The following PLN variants were observed in gnomAD, a reference collection of about 807,000 sequenced individuals.
The protein encoded by PLN is phospholamban.
Under a neutral mutation model 3.9 loss-of-function variants are expected in PLN, and 1 was observed. That is an observed-to-expected ratio of 0.26 (90% confidence interval 0.09 to 1.23). The LOEUF (loss-of-function observed/expected upper bound fraction) is 1.23. PLN is among the 50% of genes most tolerant of loss of function. PLN has a pLI of 0.48. For missense variants in PLN, 59 were observed against 62.7 expected, an observed-to-expected ratio of 0.94 and a Z score of 0.20; for synonymous variants, 21 against 20.5, an observed-to-expected ratio of 1.02 and a Z score of -0.07.
At position 118,559,157 on chromosome 6, in the gene PLN, A is replaced by G. The variant is rs1225399403; in HGVS notation, c.*77A>G. 2.8e-6 allele frequency: 3 copies of G among 1,077,758 alleles called. No homozygotes were observed. Among genetic ancestry groups the G allele is most frequent in the East Asian group, 2.4e-5 (1 of 42,388 alleles). The allele number at this position is 1,077,758 out of a possible 1,614,324, so 66.8% of individuals were successfully genotyped here. ...GTCATCCCATGCAGACAGGAAAACAATATTGTATAACAGACCACTTCCTGA... is the reference window on the plus strand; with the variant it reads ...GTCATCCCATGCAGACAGGAAAACAGTATTGTATAACAGACCACTTCCTGA... On this transcript the variant is annotated 3_prime_UTR_variant, in exon 2 of 2. Transcript: ENST00000357525.
At position 118,559,070 on chromosome 6, in the gene PLN, T is replaced by C. The variant is rs1779076744; in HGVS notation, c.149T>C (p.Met50Thr). ...ICLLLICIIV[M>T]LL ...CTCTTGCTGATCTGTATCATCGTGA[T>C]GCTTCTCTGAAGTTCTGCTACAACC... The change falls in exon 2 of 2, where the codon ATG (methionine) becomes ACG (threonine). Residue 50 changes from methionine to threonine, a missense_variant. Met to Thr is a moderately conservative substitution (Grantham distance 81). Transcript: ENST00000357525. 1 of 1,611,736 alleles carries C rather than the reference T, an allele frequency of 6.2e-7. No homozygotes were observed. The highest frequency in any genetic ancestry group is 8.5e-7 in the Non-Finnish European group (1 of 1,177,798).
chr6:118,559,165 TAACAG>T lies in PLN; in HGVS notation c.*87_*91del. 1 of 972,222 alleles carries T rather than the reference TAACAG, an allele frequency of 1.0e-6. No individual in the cohort carries two copies. Among genetic ancestry groups the T allele is most frequent in the Non-Finnish European group, 1.7e-6 (1 of 594,036 alleles). The allele number at this position is 972,222 out of a possible 1,614,324, so 60.2% of individuals were successfully genotyped here. ...ATGCAGACAGGAAAACAATATTGTA[TAACAG>T]ACCACTTCCTGAGTAGAAGAGTTTC... On this transcript the variant is annotated 3_prime_UTR_variant, in exon 2 of 2. Transcript: ENST00000357525.
Position 118,560,661 on chromosome 6 carries a change from G to A in PLN, c.*1581G>A, listed in dbSNP as rs1219122563. ...CCAAATGGTAAGCATCTATTTTGCA[G>A]TCCACTCTACTGAGCTAAATTATAG... On this transcript the variant is annotated 3_prime_UTR_variant, in exon 2 of 2. Transcript: ENST00000357525. 6.0e-6 allele frequency: 1 copy of A among 166,706 alleles called. No individual in the cohort carries two copies. Among genetic ancestry groups the A allele is most frequent in the Non-Finnish European group, 1.5e-5 (1 of 68,096 alleles). 10.3% of individuals were successfully genotyped at this position (166,706 alleles called of 1,614,324 possible).
At chr6:118,549,156 A>C (rs914002726) in intron 1 of PLN, among the ~76,000 whole-genome samples, 17 of 151,988 alleles carry the variant, frequency 1.1e-4, no homozygotes, top group Non-Finnish European at 7.4e-5. Context: ...TTATTTTGAC[A>C]CACGAATATT....
rs1385468785 is a variant in PLN, at chr6:118,560,134, A to G, written c.*1054A>G. 1 of 167,050 alleles carries G rather than the reference A, an allele frequency of 6.0e-6. No individual in the cohort carries two copies. The highest frequency in any genetic ancestry group is 3.1e-3 in the Middle Eastern group (1 of 318). 10.3% of individuals were successfully genotyped at this position (167,050 alleles called of 1,614,324 possible). A position where few individuals can be genotyped will look rare whatever the true frequency, so the allele number is the denominator to read the frequency against. ...CCAAATATTAACTAATTATTAGATT[A>G]TATTTTGAAATGAACTTGTTGGCCC... On this transcript the variant is annotated 3_prime_UTR_variant, in exon 2 of 2. Transcript: ENST00000357525.
intron 1 of PLN, among the ~76,000 whole-genome samples, chr6:118,556,668 T>A (rs531276936): frequency 6.6e-6 from 1 of 152,226 alleles, no homozygotes; most frequent in South Asian, 2.1e-4. Flanking sequence ...GAAAATAAAA[T>A]CTGACACCTG....
At chr6:118,548,522 T>G (rs1251343649) in intron 1 of PLN, 130 bp downstream of exon 1, 2 of 152,066 alleles carry the variant, frequency 1.3e-5, no homozygotes, top group Non-Finnish European at 2.9e-5. Flanking sequence ...GGCAATAAAA[T>G]GACATGACAA....
chr6:118,548,624 G>A (rs1364590429), intron 1 of PLN, among the ~76,000 whole-genome samples: 1 of 151,932 alleles, frequency 6.6e-6, no homozygotes, highest in Non-Finnish European at 1.5e-5. Context: ...TTTGATCCTG[G>A]TTACTGGTTT....
intron 1 of PLN, among the ~76,000 whole-genome samples, chr6:118,551,663 A>G (rs1461702197): frequency 1.3e-5 from 2 of 152,040 alleles, no homozygotes; most frequent in African/African-American, 4.8e-5. Context: ...CTTTAACATG[A>G]GAAGCACTTC....
chr6:118,554,817 C>G (rs538498571), intron 1 of PLN, among the ~76,000 whole-genome samples: 18 of 152,254 alleles, frequency 1.2e-4, no homozygotes, highest in African/African-American at 4.1e-4. Context: ...AGAACACATT[C>G]CAGGCAGAGA....
At chr6:118,552,603 C>T (rs10457339) in intron 1 of PLN, among the ~76,000 whole-genome samples, 4,379 of 151,460 alleles carry the variant, frequency 0.029, 104 homozygotes, top group African/African-American at 0.056. Context: ...TGCCTAATGG[C>T]TTTTCTATTT....
chr6:118,549,568 C>T (rs1262600883), intron 1 of PLN, among the ~76,000 whole-genome samples: 1 of 151,670 alleles, frequency 6.6e-6, no homozygotes, highest in African/African-American at 2.4e-5. Flanking sequence ...AACTTTGTAA[C>T]TCTGTAAGCA....
rs564954163 is a variant in PLN, at chr6:118,558,198, G to A, written c.-97-627G>A. ...ACTCCTGACCTCAGGGGAACTGCCCGCCTTGGCCTCCCAAAGTGCTGGGAT... is the reference window on the plus strand; with the variant it reads ...ACTCCTGACCTCAGGGGAACTGCCCACCTTGGCCTCCCAAAGTGCTGGGAT... On this transcript the variant is annotated intron_variant, in intron 1 of 1. Transcript: ENST00000357525. Among the ~76,000 whole-genome samples, 222 of 152,190 alleles carry A rather than the reference G, an allele frequency of 1.5e-3. 1 individual carries two copies. Among genetic ancestry groups the A allele is most frequent in the African/African-American group, 5.1e-3 (213 of 41,540 alleles).
rs559201408 is a variant in PLN at position 118,560,570 on chromosome 6, A to T, written c.*1490A>T. 4.2e-5 allele frequency: 7 copies of T among 167,106 alleles called. No individual in the cohort carries two copies. The highest frequency in any genetic ancestry group is 1.7e-4 in the African/African-American group (7 of 41,530). The allele number at this position is 167,106 out of a possible 1,614,324, so 10.4% of individuals were successfully genotyped here. A position where few individuals can be genotyped will look rare whatever the true frequency, so the allele number is the denominator to read the frequency against. ...TATTCATGTATAAGTGGACCCTTGC[A>T]ATTCAAGCCCTTGTTGTTCAAGGGT... On this transcript the variant is annotated 3_prime_UTR_variant, in exon 2 of 2. Coordinates refer to ENST00000357525, the MANE Select transcript of PLN (RefSeq NM_002667.5).
intron 1 of PLN, among the ~76,000 whole-genome samples, chr6:118,557,474 G>A (rs1778944999): frequency 6.6e-6 from 1 of 152,108 alleles, no homozygotes; most frequent in Non-Finnish European, 1.5e-5. Flanking sequence ...GTATGTGTGG[G>A]GCTTGCATAT....
intron 1 of PLN, among the ~76,000 whole-genome samples, chr6:118,552,565 T>C (rs991511304): frequency 1.3e-5 from 2 of 151,988 alleles, no homozygotes; most frequent in African/African-American, 4.8e-5. Flanking sequence ...CCTAACATGG[T>C]ATATGACATT....
intron 1 of PLN, among the ~76,000 whole-genome samples, chr6:118,548,629 T>C (rs1042978122): frequency 7.9e-5 from 12 of 152,264 alleles, no homozygotes; most frequent in African/African-American, 2.6e-4. Context: ...TCCTGGTTAC[T>C]GGTTTGTCAT....
intron 1 of PLN, among the ~76,000 whole-genome samples, chr6:118,557,936 A>C (rs1393013391): frequency 6.7e-6 from 1 of 150,104 alleles, no homozygotes; most frequent in Non-Finnish European, 1.5e-5. Context: ...TCACTGATTC[A>C]CCAAATACTG....
intron 1 of PLN, among the ~76,000 whole-genome samples, chr6:118,553,244 C>T (rs1025101029): frequency 3.5e-5 from 5 of 144,656 alleles, no homozygotes; most frequent in African/African-American, 1.3e-4. Context: ...GAAACTCATA[C>T]AGTGGTTGTC....
Sources: gnomAD v4.1 joint callset for allele counts (sites outside exome capture counted in the v4.1 genomes callset) on GRCh38, gnomAD v4.1.1 for gene constraint, MANE v1.5 for transcripts, NCBI Gene and HGNC (gene_info 2026-07-23, HGNC 2026-07-21) for gene names.